The following SIGIRR variants were observed in gnomAD, a reference collection of about 807,000 sequenced individuals.
SIGIRR encodes single Ig IL-1-related receptor.
A neutral mutation model predicts 45.6 loss-of-function variants in SIGIRR; 41 were observed. The observed-to-expected ratio is 0.90, with a 90% CI of 0.70 to 1.17. The LOEUF is 1.17. Among genes scored for constraint, SIGIRR ranks in the 50% most tolerant of loss-of-function variants. The probability of loss-of-function intolerance (pLI) is 0.00; values close to 1 mark genes in which losing one functional copy is unlikely to be tolerated. For missense variants in SIGIRR, 599 were observed against 539.6 expected (o/e 1.11, Z -1.09); for synonymous variants, 298 against 239.0 (o/e 1.25, Z -2.28).
intron 1 of SIGIRR, among the ~76,000 whole-genome samples, chr11:413,324 C>A (rs7948644): frequency 0.38 from 57,336 of 151,566 alleles, 13,169 homozygotes; most frequent in East Asian, 0.64. Flanking sequence ...GGGGGATGGC[C>A]AGGGGGTCCT....
rs1335312047 is a variant in SIGIRR at position 405,722 on chromosome 11, C to T, written c.*174G>A. ...GAGGAGACCGAGGCCCCAGCAGAAT[C>T]CAAAAGGACTTTATTTTCTGGCACT... is the stretch of plus-strand genomic sequence containing the variant. On this transcript the variant is annotated 3_prime_UTR_variant, in exon 10 of 10. Transcript: ENST00000431843. 4.1e-6 allele frequency: 3 copies of T among 728,382 alleles called. No individual in the cohort carries two copies. The highest frequency in any genetic ancestry group is 6.4e-6 in the Non-Finnish European group (3 of 468,086). The allele number at this position is 728,382 out of a possible 1,614,324, so 45.1% of individuals were successfully genotyped here.
intron 1 of SIGIRR, among the ~76,000 whole-genome samples, chr11:412,765 T>G (rs1018580784): frequency 5.3e-5 from 8 of 150,430 alleles, no homozygotes; most frequent in Admixed American, 2.0e-4. Context: ...CTGGTTACAG[T>G]CAGGAGTGCA....
chr11:407,428 C>A lies in SIGIRR; in HGVS notation c.622G>T (p.Ala208Ser). ...CACGGGGTGGGGCCCGGGATACCAGCGCGCGGCAGGAGGTCGCGGTCGTCC... is the reference window on the plus strand; with the variant it reads ...CACGGGGTGGGGCCCGGGATACCAGAGCGCGGCAGGAGGTCGCGGTCGTCC... ...FLDDRDLLPR[A>S]EPSADLLVNL... The change falls in exon 6 of 10, where the codon GCT becomes TCT. Residue 208 changes from alanine to serine, a missense_variant. By Grantham distance (99) the Ala-to-Ser change is moderately conservative. Coordinates refer to ENST00000431843, the MANE Select transcript of SIGIRR (RefSeq NM_001135054.2). The A allele has an allele frequency of 6.5e-7, 1 of 1,545,304 alleles. No individual in the cohort carries two copies. The highest frequency in any genetic ancestry group is 8.7e-7 in the Non-Finnish European group (1 of 1,144,718).
At position 405,970 on chromosome 11, in the gene SIGIRR, C is replaced by T. The variant is rs1010387126; in HGVS notation, c.1159G>A (p.Val387Ile). The T allele has an allele frequency of 6.2e-7, 1 of 1,612,458 alleles. No individual in the cohort carries two copies. The highest frequency in any genetic ancestry group is 8.5e-7 in the Non-Finnish European group (1 of 1,179,782). ...TAGTTTCGCGAGCCGAGATCCGAGA[C>T]GTCCACTTCGCTGCTCCGGCTCTCT... ...LGESRSSEVD[V>I]SDLGSRNYSA... is the part of the protein sequence containing the mutation. Residue 387 changes from valine to isoleucine, a missense_variant, in exon 10 of 10, where the codon GTC (valine) becomes ATC (isoleucine). Transcript: ENST00000431843.
rs761063224 is a variant in SIGIRR at position 406,154 on chromosome 11, T to C, written c.1070-95A>G. On this transcript the variant is annotated intron_variant, in intron 9 of 9. Coordinates refer to ENST00000431843, the MANE Select transcript of SIGIRR (RefSeq NM_001135054.2). ...TGCCCCTGCTCACCCCCTGCTGTGA[T>C]GGCCTGTGAGGCCCAGGAAGTTCCC... is the stretch of plus-strand genomic sequence containing the variant. 90 of 1,538,068 alleles carry C rather than the reference T, an allele frequency of 5.9e-5. No homozygotes were observed. The East Asian group carries it at 2.2e-3, about 38-fold the overall frequency.
chr11:411,590 A>T (rs367913115), intron 1 of SIGIRR, among the ~76,000 whole-genome samples: 1 of 100,028 alleles, frequency 1.0e-5, no homozygotes, highest in Non-Finnish European at 2.1e-5. Flanking sequence ...ATGTCTGGAT[A>T]CAGTCGGCGG....
Position 407,104 on chromosome 11 carries a change from G to T in SIGIRR, c.686C>A (p.Ser229Ter). 1 of 1,575,814 alleles carries T rather than the reference G, an allele frequency of 6.3e-7. No homozygotes were observed. The highest frequency in any genetic ancestry group is 1.2e-5 in the South Asian group (1 of 86,526). ...CCAGGCCCGGCTCAGGAAGGCGTCCGAAAGCACCACGATGAGGCGTCGGCA... is the reference window on the plus strand; with the variant it reads ...CCAGGCCCGGCTCAGGAAGGCGTCCTAAAGCACCACGATGAGGCGTCGGCA... ...SRCRRLIVVL[S>*]DAFLSRAWCS... Residue 229 changes from serine to a stop codon, truncating the protein, a stop_gained, in exon 7 of 10, where the codon TCG (serine) becomes TAG (stop). Coordinates refer to ENST00000431843, the MANE Select transcript of SIGIRR (RefSeq NM_001135054.2). LOFTEE classifies it high-confidence loss of function.
Position 414,944 on chromosome 11 carries a change from C to T in SIGIRR, c.-275G>A. On this transcript the variant is annotated 5_prime_UTR_variant, in exon 1 of 10. Coordinates refer to ENST00000431843, the MANE Select transcript of SIGIRR (RefSeq NM_001135054.2). ...AGCACCAAGGCTGCTATGGATGCAT[C>T]GCCAAGCGCGGTGGGGACCTGGCTT... 2 of 922,474 alleles carry T rather than the reference C, an allele frequency of 2.2e-6. No homozygotes were observed. Among genetic ancestry groups the T allele is most frequent in the Non-Finnish European group, 2.6e-6 (2 of 772,658 alleles). The allele number at this position is 922,474 out of a possible 1,614,324, so 57.1% of individuals were successfully genotyped here.
intron 1 of SIGIRR, among the ~76,000 whole-genome samples, chr11:414,256 C>A (rs1274721759): frequency 7.7e-6 from 1 of 129,268 alleles, no homozygotes; most frequent in African/African-American, 3.0e-5. Flanking sequence ...TCCCTGCACA[C>A]CTTCCCCTGC....
At chr11:410,078 A>G in intron 1 of SIGIRR, 51 bp from the exon 2 acceptor site, 1 of 1,234,836 alleles carries the variant, frequency 8.1e-7, no homozygotes, top group Non-Finnish European at 1.0e-6. Flanking sequence ...TGAGTTAACC[A>G]GTAACTGCCG....
At chr11:413,403 G>T (rs147194191) in intron 1 of SIGIRR, among the ~76,000 whole-genome samples, 11 of 151,900 alleles carry the variant, frequency 7.2e-5, no homozygotes, top group African/African-American at 2.7e-4. Flanking sequence ...ACCCACTGAG[G>T]GTCCTTAAAG....
chr11:412,844 G>A (rs897321572), intron 1 of SIGIRR, among the ~76,000 whole-genome samples: 10 of 152,146 alleles, frequency 6.6e-5, no homozygotes, highest in South Asian at 4.1e-4. Flanking sequence ...CTCGCCCTGC[G>A]GTTGTGAGGC....
intron 9 of SIGIRR, 76 bp downstream of exon 9, chr11:406,273 C>T (rs1202304353): frequency 1.3e-6 from 2 of 1,560,438 alleles, no homozygotes; most frequent in Non-Finnish European, 1.7e-6. Context: ...CCCTCCAGGC[C>T]CTGTGCCCTG....
At position 407,117 on chromosome 11, in the gene SIGIRR, T is replaced by A; in HGVS notation, c.673A>T (p.Ile225Phe). ...LVNLSRCRRL[I>F]VVLSDAFLSR... ...AGGAAGGCGTCCGAAAGCACCACGA[T>A]GAGGCGTCGGCAGCGGCTCAGGTTC... The change falls in exon 7 of 10, where the codon ATC becomes TTC. Residue 225 changes from isoleucine (I) to phenylalanine (F), a missense_variant. Physicochemically the swap from Ile to Phe is conservative, Grantham distance 21. Transcript: ENST00000431843. 6.5e-7 allele frequency: 1 copy of A among 1,534,266 alleles called. No homozygotes were observed. Among genetic ancestry groups the A allele is most frequent in the South Asian group, 1.2e-5 (1 of 81,254 alleles).
chr11:407,268 G>T (rs1847370871), intron 6 of SIGIRR, 104 bp from the exon 7 acceptor site: 2 of 592,266 alleles, frequency 3.4e-6, no homozygotes, highest in Non-Finnish European at 4.8e-6. Context: ...GAGGGGCGGG[G>T]CCTGCGGGGT....
intron 6 of SIGIRR, 87 bp downstream of exon 6, chr11:407,338 G>A: frequency 2.5e-6 from 3 of 1,180,610 alleles, no homozygotes; most frequent in Non-Finnish European, 3.4e-6. Flanking sequence ...CTCGATGGTG[G>A]GGGTGGGGCC....
At position 410,620 on chromosome 11, in the gene SIGIRR, G is replaced by T. The variant is rs1305817398; in HGVS notation, c.-153-593C>A. On this transcript the variant is annotated intron_variant, in intron 1 of 9. Coordinates refer to ENST00000431843, the MANE Select transcript of SIGIRR (RefSeq NM_001135054.2). ...GCTCTGACCATGTCTGGATGCAGTC[G>T]GGGGGGGGGGGTGCCCAGCTCTGAC... 7.6e-3 allele frequency among the ~76,000 whole-genome samples: 129 copies of T among 17,040 alleles called. 6 individuals carry two copies. Among genetic ancestry groups the T allele is most frequent in the African/African-American group, 0.049 (119 of 2,452 alleles). 11.2% of individuals were successfully genotyped at this position (17,040 alleles called of 152,430 possible). A position where few individuals can be genotyped will look rare whatever the true frequency, so the allele number is the denominator to read the frequency against.
chr11:407,009 G>A lies in SIGIRR; in HGVS notation c.729-16C>T. 1.3e-6 allele frequency: 2 copies of A among 1,588,698 alleles called. No homozygotes were observed. Among genetic ancestry groups the A allele is most frequent in the East Asian group, 2.3e-5 (1 of 43,724 alleles). On this transcript the variant is annotated splice_polypyrimidine_tract_variant and intron_variant, in intron 7 of 9. Coordinates refer to ENST00000431843, the MANE Select transcript of SIGIRR (RefSeq NM_001135054.2). ...CAGGCCCTCCCTGCGGGGCGGGACC[G>A]TCAGGGGGGTGGGTGCTACGCTGGG...
rs1322106656 is a variant in SIGIRR at position 407,080 on chromosome 11, C to G, written c.710G>C (p.Trp237Ser). ...VLSDAFLSRA[W>S]CSHSFREGLC... is the part of the protein sequence containing the mutation. Reference sequence around the variant, plus strand: ...GACCCACCGGAAGCTGTGGCTGCACCAGGCCCGGCTCAGGAAGGCGTCCGA... The same window carrying G: ...GACCCACCGGAAGCTGTGGCTGCACGAGGCCCGGCTCAGGAAGGCGTCCGA... Residue 237 changes from tryptophan to serine, a missense_variant, in exon 7 of 10, where the codon TGG becomes TCG. By Grantham distance (177) the Trp-to-Ser change is radical (BLOSUM62 -3). Transcript: ENST00000431843. The G allele has an allele frequency of 1.9e-6, 3 of 1,555,494 alleles. No individual in the cohort carries two copies. The highest frequency in any genetic ancestry group is 2.6e-6 in the Non-Finnish European group (3 of 1,156,360).
Sources: allele counts gnomAD v4.1 joint callset (sites outside exome capture counted in the v4.1 genomes callset), GRCh38; gene constraint gnomAD v4.1.1; transcripts MANE v1.5; gene names NCBI Gene and HGNC (gene_info 2026-07-23, HGNC 2026-07-21).